PTK2: variants seen among roughly 807,000 people sequenced by gnomAD.
PTK2 encodes the protein focal adhesion kinase 1.
Under a neutral mutation model 150.1 loss-of-function variants are expected in PTK2, and 45 were observed. That is an observed-to-expected ratio of 0.30 (90% CI 0.24 to 0.38). The LOEUF (loss-of-function observed/expected upper bound fraction) is 0.38, where lower values mean the gene tolerates loss of function less well. Among genes scored for constraint, PTK2 ranks in the 10% least tolerant of loss-of-function variants. The pLI is 1.00. For missense variants in PTK2, 919 were observed against 1,307.3 expected, an observed-to-expected ratio of 0.70 and a Z score of 4.58; for synonymous variants, 432 against 449.2, an observed-to-expected ratio of 0.96 and a Z score of 0.48.
intron 22 of PTK2, among the ~76,000 whole-genome samples, chr8:140,718,916 G>A (rs561311353): frequency 6.6e-6 from 1 of 152,294 alleles, no homozygotes; most frequent in South Asian, 2.1e-4. Flanking sequence ...GGTGGCTCAC[G>A]CCTGTAATCC....
intron 16 of PTK2, among the ~76,000 whole-genome samples, chr8:140,757,728 C>T (rs1223896410): frequency 6.6e-6 from 1 of 152,142 alleles, no homozygotes; most frequent in Admixed American, 6.6e-5. Flanking sequence ...TGTTCACCTG[C>T]TACTATTCTA....
At chr8:140,681,530 G>GGGAGGC (rs1024080322) in intron 27 of PTK2, among the ~76,000 whole-genome samples, 3 of 151,544 alleles carry the variant, frequency 2.0e-5, no homozygotes, top group South Asian at 2.1e-4. Flanking sequence ...CCAGCACTTT[G>GGGAGGC]GGAGGCGGAG....
intron 1 of PTK2, among the ~76,000 whole-genome samples, chr8:140,987,861 G>A (rs1207636798): frequency 6.6e-6 from 1 of 152,098 alleles, no homozygotes; most frequent in African/African-American, 2.4e-5. Context: ...TGCGAAACAT[G>A]ACTAGACCTC....
intron 16 of PTK2, among the ~76,000 whole-genome samples, chr8:140,753,953 A>T (rs2100064214): frequency 6.6e-6 from 1 of 152,250 alleles, no homozygotes; most frequent in Non-Finnish European, 1.5e-5. Context: ...GTCATATTTT[A>T]AAAATACCTT....
intron 8 of PTK2, among the ~76,000 whole-genome samples, chr8:140,828,499 T>C (rs1024088310): frequency 1.1e-4 from 16 of 152,170 alleles, no homozygotes; most frequent in Non-Finnish European, 2.2e-4. Context: ...CCTAATTGTT[T>C]ATACACATAC....
At chr8:140,943,870 T>A (rs182146657) in intron 1 of PTK2, among the ~76,000 whole-genome samples, 2 of 152,374 alleles carry the variant, frequency 1.3e-5, no homozygotes, top group East Asian at 3.8e-4. Flanking sequence ...CTCATTCATA[T>A]GAAATGGATG....
intron 3 of PTK2, among the ~76,000 whole-genome samples, chr8:140,887,404 T>G (rs2100152697): frequency 6.6e-6 from 1 of 152,226 alleles, no homozygotes; most frequent in African/African-American, 2.4e-5. Flanking sequence ...GCCTATAAAC[T>G]GTGAAATCTT....
At chr8:140,692,838 A>G (rs769038257) in intron 26 of PTK2, among the ~76,000 whole-genome samples, 3 of 152,204 alleles carry the variant, frequency 2.0e-5, no homozygotes, top group Non-Finnish European at 2.9e-5. Context: ...CAGGGACAGC[A>G]GCCTGGCTTC....
intron 2 of PTK2, among the ~76,000 whole-genome samples, chr8:140,902,950 T>G (rs1185800030): frequency 1.4e-5 from 2 of 143,878 alleles, no homozygotes; most frequent in South Asian, 2.3e-4. Context: ...TTTTTTTTTT[T>G]TTTTTTTTTG....
At chr8:140,822,516 G>A (rs2100109372) in intron 8 of PTK2, 1 of 152,104 alleles carries the variant, frequency 6.6e-6, no homozygotes, top group African/African-American at 2.4e-5. Flanking sequence ...TGAAACATTA[G>A]GTAACAACGA....
At chr8:140,854,078 G>A (rs915910645) in intron 5 of PTK2, among the ~76,000 whole-genome samples, 4 of 152,162 alleles carry the variant, frequency 2.6e-5, no homozygotes, top group Non-Finnish European at 4.4e-5. Context: ...CTATAGTTAA[G>A]TTTAGATTCT....
At chr8:140,714,122 A>G (rs1477924183) in intron 23 of PTK2, among the ~76,000 whole-genome samples, 1 of 152,174 alleles carries the variant, frequency 6.6e-6, no homozygotes, top group East Asian at 1.9e-4. Context: ...TCCTGGGCTC[A>G]AGTGATCCCC....
At chr8:140,890,397 A>G in intron 3 of PTK2, 146 bp downstream of exon 3, 1 of 653,440 alleles carries the variant, frequency 1.5e-6, no homozygotes, top group East Asian at 2.8e-5. Context: ...TTAACTAATA[A>G]ATCTTATAAT....
In PTK2 at chr8:140,750,740, G is replaced by T. The variant is rs114490498; in HGVS notation, c.1417+1492C>A. On this transcript the variant is annotated intron_variant, in intron 17 of 31. Coordinates refer to ENST00000522684, the Ensembl canonical transcript of PTK2. ...ATTCATGCAGAGCTCACTCAAGGAA[G>T]CTTCTTCAGAGGAGGCACAAACCAA... 4.5e-3 allele frequency among the ~76,000 whole-genome samples: 678 copies of T among 152,276 alleles called. 3 individuals carry two copies. Among genetic ancestry groups the T allele is most frequent in the African/African-American group, 0.015 (643 of 41,564 alleles).
intron 4 of PTK2, among the ~76,000 whole-genome samples, chr8:140,872,941 T>C (rs1344525671): frequency 6.6e-6 from 1 of 152,252 alleles, no homozygotes; most frequent in African/African-American, 2.4e-5. Flanking sequence ...ACTTACTTTG[T>C]CACATGATGT....
chr8:140,935,949 T>A (rs1603414113), intron 1 of PTK2, among the ~76,000 whole-genome samples: 1 of 152,066 alleles, frequency 6.6e-6, no homozygotes, highest in East Asian at 1.9e-4. Context: ...ACCCGGCCTG[T>A]CCTCATCTTT....
chr8:140,827,961 G>A (rs961068123), intron 8 of PTK2, among the ~76,000 whole-genome samples: 2 of 152,082 alleles, frequency 1.3e-5, no homozygotes, highest in Non-Finnish European at 1.5e-5. Context: ...GAGCTCAGGC[G>A]TTCGAGACCA....
chr8:140,676,559 A>G (rs2100013832), intron 27 of PTK2, among the ~76,000 whole-genome samples: 1 of 144,014 alleles, frequency 6.9e-6, no homozygotes, highest in South Asian at 2.3e-4. Context: ...ACACATACGT[A>G]AGAATGTGGA....
chr8:140,783,018 C>T (rs1379822478), intron 14 of PTK2, among the ~76,000 whole-genome samples: 4 of 152,064 alleles, frequency 2.6e-5, no homozygotes, highest in African/African-American at 4.8e-5. Flanking sequence ...GCAGGCAGGT[C>T]GCTTGAGCCC....
Sources: gnomAD v4.1 joint callset for allele counts (sites outside exome capture counted in the v4.1 genomes callset) on GRCh38, gnomAD v4.1.1 for gene constraint, MANE v1.5 for transcripts, NCBI Gene and HGNC (gene_info 2026-07-23, HGNC 2026-07-21) for gene names.